MAX: variants seen among roughly 807,000 people sequenced by gnomAD.
MAX encodes the protein protein max.
MAX carries 3 observed loss-of-function variants against 22.3 expected under a neutral mutation model. The observed-to-expected ratio is 0.13, with a 90% CI of 0.06 to 0.35. The LOEUF (loss-of-function observed/expected upper bound fraction) is 0.35, where lower values mean the gene tolerates loss of function less well. Ranked by LOEUF, MAX falls within the 10% of genes least tolerant of loss-of-function variation. MAX has a pLI of 1.00. For synonymous variants in MAX, 72 were observed against 77.7 expected (o/e 0.93, Z 0.39); for missense variants, 119 against 209.4 (o/e 0.57, Z 2.66).
rs531018286 is a variant in MAX at position 65,078,539 on chromosome 14, T to G, written c.172-503A>C. ...TGTTGTTGTTGTTGTTGTTGTTTTT[T>G]TTTTTTTGGAGACGTAGTCTCGCTC... is the stretch of plus-strand genomic sequence containing the variant. On this transcript the variant is annotated intron_variant, in intron 3 of 4. Coordinates refer to ENST00000358664, the MANE Select transcript of MAX (RefSeq NM_002382.5). This position sits in a 1 kb window ranked among gnomAD's most constrained non-coding sequence, Gnocchi z 6.4. Among the ~76,000 whole-genome samples, 166 of 150,826 alleles carry G rather than the reference T, an allele frequency of 1.1e-3. No homozygotes were observed. The highest frequency in any genetic ancestry group is 3.9e-3 in the African/African-American group (159 of 41,096).
rs756231623 is a variant in MAX, at chr14:65,084,268, G to C, written c.172-6232C>G. ...CATCAAACTTTGACGATGAAGGACA[G>C]GAGTACACAATTTCCAAAAGAGGAA... On this transcript the variant is annotated intron_variant, in intron 3 of 4. Transcript: ENST00000358664. The surrounding 1 kb of genome is among the most constrained non-coding windows in gnomAD (Gnocchi z 4.3). 1.9e-6 allele frequency: 3 copies of C among 1,611,732 alleles called. No homozygotes were observed. Among genetic ancestry groups the C allele is most frequent in the South Asian group, 1.1e-5 (1 of 91,018 alleles).
rs1233529529 is a variant in MAX, at chr14:65,088,265, A to G, written c.171+5443T>C. On this transcript the variant is annotated intron_variant, in intron 3 of 4. Coordinates refer to ENST00000358664, the MANE Select transcript of MAX (RefSeq NM_002382.5). The surrounding 1 kb of genome is among the most constrained non-coding windows in gnomAD (Gnocchi z 5.2). ...GGTAGGTAAGCTGGGTATCTTATTTACAGAACATGGAATACCAGTCCTTAC... is the reference window on the plus strand; with the variant it reads ...GGTAGGTAAGCTGGGTATCTTATTTGCAGAACATGGAATACCAGTCCTTAC... Among the ~76,000 whole-genome samples the G allele has an allele frequency of 1.3e-5, 2 of 152,248 alleles. No homozygotes were observed. Among genetic ancestry groups the G allele is most frequent in the Non-Finnish European group, 1.5e-5 (1 of 68,040 alleles).
Position 65,033,000 on chromosome 14 carries a change from C to T in MAX, c.172-26716G>A, listed in dbSNP as rs117276357. Among the ~76,000 whole-genome samples, 4,724 of 152,244 alleles carry T rather than the reference C, an allele frequency of 0.031. 86 individuals carry two copies. Among genetic ancestry groups the T allele is most frequent in the Middle Eastern group, 0.088 (26 of 294 alleles). ...TGACAGTATGTCAAAGGTGCCCTTGCGTAGGACCCAGTAATTCCACTCCCA... is the reference window on the plus strand; with the variant it reads ...TGACAGTATGTCAAAGGTGCCCTTGTGTAGGACCCAGTAATTCCACTCCCA... On this transcript the variant is annotated intron_variant, in intron 3 of 3. Coordinates refer to the MAX transcript ENST00000341653. The surrounding 1 kb of genome is among the most constrained non-coding windows in gnomAD (Gnocchi z 5.0).
intron 3 of MAX, chr14:65,040,644 T>G (rs2139625833): frequency 2.4e-6 from 2 of 838,930 alleles, no homozygotes; most frequent in African/African-American, 2.1e-5. Context: ...TTTCCAAAAG[T>G]TAATTAGTTG....
chr14:65,075,849 A>T lies in MAX; in HGVS notation c.*627T>A, dbSNP rs1301866769. Reference sequence around the variant, plus strand: ...AGCTGGCTGAGAGAAGCAGGAGTGAAACATGCCAGCGACTCTGTGCTGCGA... The same window carrying T: ...AGCTGGCTGAGAGAAGCAGGAGTGATACATGCCAGCGACTCTGTGCTGCGA... On this transcript the variant is annotated 3_prime_UTR_variant, in exon 5 of 5. Coordinates refer to ENST00000358664, the MANE Select transcript of MAX (RefSeq NM_002382.5). This position sits in a 1 kb window ranked among gnomAD's most constrained non-coding sequence, Gnocchi z 4.1. 9.4e-7 allele frequency: 1 copy of T among 1,067,336 alleles called. No individual in the cohort carries two copies. Among genetic ancestry groups the T allele is most frequent in the Non-Finnish European group, 1.1e-6 (1 of 880,614 alleles). The allele number at this position is 1,067,336 out of a possible 1,614,324, so 66.1% of individuals were successfully genotyped here.
chr14:65,013,617 G>A (rs1053985963), intron 3 of MAX, among the ~76,000 whole-genome samples: 5 of 152,116 alleles, frequency 3.3e-5, no homozygotes, highest in African/African-American at 4.8e-5. Context: ...TGGCATGATC[G>A]TGAGTCACTG....
chr14:65,061,180 G>A (rs755265949), intron 3 of MAX: 3 of 1,613,954 alleles, frequency 1.9e-6, no homozygotes, highest in Non-Finnish European at 1.7e-6. Context: ...TCTCTTTGCA[G>A]CAGCCCACTC....
At chr14:65,055,235 G>T (rs1340885738) in intron 3 of MAX, among the ~76,000 whole-genome samples, 1 of 152,232 alleles carries the variant, frequency 6.6e-6, no homozygotes, top group Non-Finnish European at 1.5e-5. Context: ...ATAGCCCTAT[G>T]AGGGCAGGAT....
At chr14:65,092,643 T>C (rs1027948143) in intron 3 of MAX, among the ~76,000 whole-genome samples, 3 of 152,178 alleles carry the variant, frequency 2.0e-5, no homozygotes, top group Admixed American at 1.3e-4. Flanking sequence ...CATGGCCTGT[T>C]TTGTTCTTTA....
intron 3 of MAX, among the ~76,000 whole-genome samples, chr14:65,013,938 A>G (rs1439236275): frequency 6.6e-6 from 1 of 152,218 alleles, no homozygotes; most frequent in East Asian, 1.9e-4. Flanking sequence ...AAATTAAGTC[A>G]TTTGCTCAAA....
At chr14:65,061,607 A>G (rs1255905403) in intron 3 of MAX, 2 of 313,246 alleles carry the variant, frequency 6.4e-6, no homozygotes, top group East Asian at 1.2e-4. Flanking sequence ...CTCTCCAGCC[A>G]GGACGATCAC....
chr14:65,055,504 AT>A (rs900695593), intron 3 of MAX, among the ~76,000 whole-genome samples: 71 of 151,452 alleles, frequency 4.7e-4, no homozygotes, highest in Admixed American at 5.9e-4. Context: ...GTTTAAAAAA[AT>A]TTTTTTTTTA....
In MAX at chr14:65,076,408, C is replaced by T. The variant is rs1364403243; in HGVS notation, c.*68G>A. The T allele has an allele frequency of 6.8e-6, 11 of 1,611,286 alleles. No individual in the cohort carries two copies. Among genetic ancestry groups the T allele is most frequent in the Non-Finnish European group, 9.3e-6 (11 of 1,179,900 alleles). On this transcript the variant is annotated 3_prime_UTR_variant, in exon 5 of 5. Transcript: ENST00000358664. The surrounding 1 kb of genome is among the most constrained non-coding windows in gnomAD (Gnocchi z 6.6). The stretch of plus-strand genomic sequence containing the variant: ...TCTTAAATGGTTCTGAGGGCTCTAC[C>T]AACGAACTGAAAGGAGGATGAGACG...
rs202087492 is a variant in MAX, at chr14:65,037,726, C to CTTATTTAT, written c.172-31450_172-31443dup. ...AGGTGTGAGCCACCATGCCCAGCCT[C>CTTATTTAT]TTATTTATTTATTTATTATTTATTT... On this transcript the variant is annotated intron_variant, in intron 3 of 3. Transcript: ENST00000341653. Among the ~76,000 whole-genome samples, 107 of 117,524 alleles carry CTTATTTAT rather than the reference C, an allele frequency of 9.1e-4. 1 individual carries two copies. Among genetic ancestry groups the CTTATTTAT allele is most frequent in the Admixed American group, 1.3e-3 (14 of 11,084 alleles). 77.1% of individuals were successfully genotyped at this position (117,524 alleles called of 152,430 possible).
chr14:65,059,938 A>G (rs888811704), intron 3 of MAX, among the ~76,000 whole-genome samples: 1 of 150,982 alleles, frequency 6.6e-6, no homozygotes, highest in African/African-American at 2.4e-5. Flanking sequence ...GGTTCAAGCA[A>G]TTCTCCTGCT....
At chr14:65,095,121 A>G (rs1479818571) in intron 2 of MAX, among the ~76,000 whole-genome samples, 1 of 152,208 alleles carries the variant, frequency 6.6e-6, no homozygotes, top group Admixed American at 6.5e-5. Context: ...TTTAATCCTA[A>G]AAGTCCCAGT....
At chr14:65,020,243 G>A (rs1298519759) in intron 3 of MAX, among the ~76,000 whole-genome samples, 2 of 152,218 alleles carry the variant, frequency 1.3e-5, no homozygotes, top group East Asian at 3.8e-4. Context: ...GCTGGTATCA[G>A]AGGTTTCAAG....
intron 3 of MAX, chr14:65,053,207 G>C (rs761375532): frequency 2.2e-6 from 3 of 1,343,940 alleles, no homozygotes; most frequent in Non-Finnish European, 2.9e-6. Context: ...TGGATCTGCC[G>C]GGCCCTTACT....
At chr14:65,039,914 T>C (rs1344360084) in intron 3 of MAX, among the ~76,000 whole-genome samples, 1 of 152,154 alleles carries the variant, frequency 6.6e-6, no homozygotes, top group South Asian at 2.1e-4. Context: ...AGAGGCCAAG[T>C]GCGGTGGCCC....
Sources: allele counts gnomAD v4.1 joint callset (sites outside exome capture counted in the v4.1 genomes callset), GRCh38; gene constraint gnomAD v4.1.1; non-coding constraint Gnocchi (gnomAD v3.1); transcripts MANE v1.5; gene names NCBI Gene and HGNC (gene_info 2026-07-23, HGNC 2026-07-21).